SLX4IP: variants seen among roughly 807,000 people sequenced by gnomAD.
The protein encoded by SLX4IP is protein SLX4IP.
A neutral mutation model predicts 32.9 loss-of-function variants in SLX4IP; 34 were observed. The observed-to-expected ratio is 1.03, with a 90% CI of 0.79 to 1.38. The LOEUF (loss-of-function observed/expected upper bound fraction) is 1.38. Ranked by LOEUF, SLX4IP falls within the 40% of genes most tolerant of loss-of-function variation. SLX4IP has a pLI of 0.00. For missense variants in SLX4IP, 444 were observed against 479.0 expected, an observed-to-expected ratio of 0.93 and a Z score of 0.68; for synonymous variants, 172 against 171.7, an observed-to-expected ratio of 1.00 and a Z score of -0.01.
chr20:10,469,660 C>T (rs1417022175), intron 2 of SLX4IP, among the ~76,000 whole-genome samples: 3 of 152,126 alleles, frequency 2.0e-5, no homozygotes, highest in Non-Finnish European at 4.4e-5. Context: ...AATAGATGAA[C>T]TCAGTAAGCA....
intron 2 of SLX4IP, among the ~76,000 whole-genome samples, chr20:10,469,514 A>C (rs2065406632): frequency 6.6e-6 from 1 of 152,182 alleles, no homozygotes; most frequent in Non-Finnish European, 1.5e-5. Flanking sequence ...ATTATATTTT[A>C]TTTTAATAAT....
intron 2 of SLX4IP, among the ~76,000 whole-genome samples, chr20:10,474,687 T>G (rs1254827980): frequency 6.6e-6 from 1 of 152,252 alleles, no homozygotes; most frequent in Non-Finnish European, 1.5e-5. Flanking sequence ...GGCCGCCTTG[T>G]TCACTTCCTT....
At chr20:10,550,633 G>A (rs557999165) in intron 2 of SLX4IP, among the ~76,000 whole-genome samples, 1 of 152,184 alleles carries the variant, frequency 6.6e-6, no homozygotes, top group Admixed American at 6.5e-5. Flanking sequence ...CAGCCCACCA[G>A]CCTCCTCAGC....
intron 6 of SLX4IP, among the ~76,000 whole-genome samples, chr20:10,609,684 G>C (rs1423342300): frequency 6.6e-6 from 1 of 152,186 alleles, no homozygotes; most frequent in Non-Finnish European, 1.5e-5. Context: ...AGTCAGGTGA[G>C]ATGTTAGGAA....
At chr20:10,605,286 A>T (rs994368989) in intron 6 of SLX4IP, among the ~76,000 whole-genome samples, 2 of 152,130 alleles carry the variant, frequency 1.3e-5, no homozygotes, top group African/African-American at 4.8e-5. Flanking sequence ...TCACATTTTA[A>T]CATAATTTGC....
At chr20:10,563,230 C>T (rs1020701288) in intron 4 of SLX4IP, among the ~76,000 whole-genome samples, 3 of 152,120 alleles carry the variant, frequency 2.0e-5, no homozygotes, top group African/African-American at 7.2e-5. Flanking sequence ...TATTCAAATC[C>T]TTTGCACATT....
chr20:10,469,486 G>A (rs1312088319), intron 2 of SLX4IP, among the ~76,000 whole-genome samples: 6 of 151,890 alleles, frequency 4.0e-5, no homozygotes, highest in Non-Finnish European at 7.4e-5. Flanking sequence ...TCAGTATAAT[G>A]GTTTTGATTG....
intron 2 of SLX4IP, among the ~76,000 whole-genome samples, chr20:10,500,853 T>C (rs769649079): frequency 1.6e-4 from 24 of 152,252 alleles, no homozygotes; most frequent in Non-Finnish European, 3.2e-4. Context: ...TTCAGGATTC[T>C]AATTTGCAAC....
intron 6 of SLX4IP, among the ~76,000 whole-genome samples, chr20:10,610,985 T>C (rs970022300): frequency 8.5e-5 from 13 of 152,366 alleles, no homozygotes; most frequent in Non-Finnish European, 1.8e-4. Flanking sequence ...ATTCATGCTC[T>C]GTTTGCACTG....
At chr20:10,511,808 C>T (rs1366228328) in intron 2 of SLX4IP, among the ~76,000 whole-genome samples, 1 of 152,184 alleles carries the variant, frequency 6.6e-6, no homozygotes, top group Non-Finnish European at 1.5e-5. Context: ...CAGTGGTTTT[C>T]TTCTTCTCTA....
chr20:10,623,731 A>G lies in SLX4IP; in HGVS notation c.*352A>G. 4.0e-6 allele frequency: 1 copy of G among 249,524 alleles called. No homozygotes were observed. Among genetic ancestry groups the G allele is most frequent in the Non-Finnish European group, 7.8e-6 (1 of 128,806 alleles). 15.5% of individuals were successfully genotyped at this position (249,524 alleles called of 1,614,324 possible). A position where few individuals can be genotyped will look rare whatever the true frequency, so the allele number is the denominator to read the frequency against. On this transcript the variant is annotated 3_prime_UTR_variant, in exon 8 of 8. Transcript: ENST00000334534. ...GGCACATCACTGTGCAGACCACACA[A>G]TGGACCGTGCAAAGACAGTGCTGCC...
intron 4 of SLX4IP, among the ~76,000 whole-genome samples, chr20:10,566,672 G>C (rs1480988506): frequency 1.3e-5 from 2 of 152,164 alleles, no homozygotes; most frequent in Non-Finnish European, 2.9e-5. Flanking sequence ...TCACAACTGA[G>C]TTTTCAATAG....
In SLX4IP at chr20:10,627,765, A is replaced by C. The variant is rs1220508886; in HGVS notation, c.*4386A>C. On this transcript the variant is annotated 3_prime_UTR_variant, in exon 8 of 8. Coordinates refer to ENST00000334534, the MANE Select transcript of SLX4IP (RefSeq NM_001009608.3). ...TTAATTCTTTGCTTGAGCAAAAATC[A>C]ATAAAACCTTATGTTTGACCCTAAA... The C allele has an allele frequency of 6.6e-6, 1 of 152,258 alleles. No homozygotes were observed. Among genetic ancestry groups the C allele is most frequent in the Admixed American group, 6.5e-5 (1 of 15,280 alleles). 9.4% of individuals were successfully genotyped at this position (152,258 alleles called of 1,614,324 possible).
At chr20:10,495,843 C>T (rs1228245640) in intron 2 of SLX4IP, among the ~76,000 whole-genome samples, 1 of 151,708 alleles carries the variant, frequency 6.6e-6, no homozygotes, top group Admixed American at 6.6e-5. Flanking sequence ...CTTTTCAAGC[C>T]CTTTCTGTGC....
intron 6 of SLX4IP, among the ~76,000 whole-genome samples, chr20:10,615,189 T>G (rs1439953200): frequency 3.9e-5 from 6 of 152,168 alleles, no homozygotes; most frequent in African/African-American, 1.2e-4. Context: ...TGCAGCCACT[T>G]GCACTTCTCC....
intron 2 of SLX4IP, among the ~76,000 whole-genome samples, chr20:10,480,410 A>G (rs1323213004): frequency 6.6e-6 from 1 of 152,076 alleles, no homozygotes; most frequent in Non-Finnish European, 1.5e-5. Context: ...GTTTCCAAAA[A>G]AAAAAAAGGA....
chr20:10,499,657 A>C (rs1283869105), intron 2 of SLX4IP, among the ~76,000 whole-genome samples: 3 of 152,212 alleles, frequency 2.0e-5, no homozygotes, highest in Non-Finnish European at 4.4e-5. Flanking sequence ...GAAAATGCTG[A>C]AAGGTATGAC....
chr20:10,552,576 C>G (rs1467260394), intron 2 of SLX4IP, among the ~76,000 whole-genome samples: 2 of 151,980 alleles, frequency 1.3e-5, no homozygotes, highest in African/African-American at 4.8e-5. Context: ...GACTGCCTGC[C>G]AAACAGTGGA....
intron 2 of SLX4IP, among the ~76,000 whole-genome samples, chr20:10,494,623 A>T (rs1222139433): frequency 6.6e-6 from 1 of 151,968 alleles, no homozygotes; most frequent in African/African-American, 2.4e-5. Context: ...TTTTCTGGTG[A>T]GCCAGAATTT....
Sources: allele counts gnomAD v4.1 joint callset (sites outside exome capture counted in the v4.1 genomes callset), GRCh38; gene constraint gnomAD v4.1.1; transcripts MANE v1.5; gene names NCBI Gene and HGNC (gene_info 2026-07-23, HGNC 2026-07-21).